The following SORCS2 variants were observed in gnomAD, a reference collection of about 807,000 sequenced individuals.
SORCS2 encodes sortilin related VPS10 domain containing receptor 2.
A neutral mutation model predicts 141.6 loss-of-function variants in SORCS2; 100 were observed. The ratio of observed to expected loss-of-function variants is 0.71; its 90% CI spans 0.60 to 0.83. The LOEUF (loss-of-function observed/expected upper bound fraction) is 0.83, where lower values mean the gene tolerates loss of function less well. Ranked by LOEUF, SORCS2 falls within the 40% of genes least tolerant of loss-of-function variation. The probability of loss-of-function intolerance (pLI) is 0.00; values close to 1 mark genes in which losing one functional copy is unlikely to be tolerated. For missense variants in SORCS2, 1,646 were observed against 1,560.2 expected (o/e 1.05, Z -0.93); for synonymous variants, 789 against 676.9 (o/e 1.17, Z -2.57).
At chr4:7,515,794 T>G (rs1253748499) in intron 2 of SORCS2, among the ~76,000 whole-genome samples, 1 of 152,248 alleles carries the variant, frequency 6.6e-6, no homozygotes, top group Non-Finnish European at 1.5e-5. Flanking sequence ...TGCAGCTCTC[T>G]GCCTAACACA....
rs935683175 is a variant in SORCS2 at position 7,374,170 on chromosome 4, T to C, written c.481-22118T>C. 1.6e-3 allele frequency among the ~76,000 whole-genome samples: 222 copies of C among 142,304 alleles called. 4 individuals carry two copies. The highest frequency in any genetic ancestry group is 5.7e-3 in the African/African-American group (212 of 37,502). The allele number at this position is 142,304 out of a possible 152,430, so 93.4% of individuals were successfully genotyped here. On this transcript the variant is annotated intron_variant, in intron 1 of 26. Coordinates refer to ENST00000507866, the MANE Select transcript of SORCS2 (RefSeq NM_020777.3). ...TTCTTTCTTTCTTTCTTTCTTTCTTTCTTTCTTTCTTTCTTTCTTTCTTTC... is the reference window on the plus strand; with the variant it reads ...TTCTTTCTTTCTTTCTTTCTTTCTTCCTTTCTTTCTTTCTTTCTTTCTTTC...
intron 20 of SORCS2, among the ~76,000 whole-genome samples, chr4:7,726,402 G>A (rs1458774883): frequency 6.6e-6 from 1 of 152,024 alleles, no homozygotes; most frequent in Non-Finnish European, 1.5e-5. Flanking sequence ...GTGAAACCCC[G>A]TCTCTACTAA....
intron 2 of SORCS2, among the ~76,000 whole-genome samples, chr4:7,412,887 C>G (rs938112672): frequency 5.9e-5 from 9 of 152,178 alleles, no homozygotes; most frequent in African/African-American, 2.2e-4. Context: ...CTGTCCCCAC[C>G]ATGGCAGGCA....
At chr4:7,658,321 GGGT>G (rs200630335) in intron 5 of SORCS2, among the ~76,000 whole-genome samples, 3,155 of 150,814 alleles carry the variant, frequency 0.021, 47 homozygotes, top group Non-Finnish European at 0.035. Context: ...GTCTGTGACT[GGGT>G]GAGTGGGTGA....
At chr4:7,226,759 C>T (rs539301419) in intron 1 of SORCS2, among the ~76,000 whole-genome samples, 35 of 152,156 alleles carry the variant, frequency 2.3e-4, no homozygotes, top group Non-Finnish European at 4.6e-4. Flanking sequence ...GCAGACCCTG[C>T]TCCGTTGGTG....
intron 1 of SORCS2, among the ~76,000 whole-genome samples, chr4:7,263,201 A>G (rs1714484256): frequency 6.6e-6 from 1 of 152,176 alleles, no homozygotes; most frequent in East Asian, 1.9e-4. Context: ...TTAAATACTC[A>G]ATAAATGACG....
rs78727057 is a variant in SORCS2 at position 7,703,095 on chromosome 4, A to G, written c.1669-185A>G. ...CCATTCAGTCATCCAGGGTGCGCTG[A>G]GTCCGCGTGGGCTGGGAAAGCTCGG... On this transcript the variant is annotated intron_variant, in intron 12 of 26. Transcript: ENST00000507866. 4.6e-5 allele frequency among the ~76,000 whole-genome samples: 7 copies of G among 152,318 alleles called. No individual in the cohort carries two copies. The East Asian group carries it at 1.4e-3, about 29-fold the overall frequency.
At chr4:7,674,551 G>A (rs1242696954) in intron 8 of SORCS2, among the ~76,000 whole-genome samples, 10 of 146,310 alleles carry the variant, frequency 6.8e-5, no homozygotes, top group Non-Finnish European at 6.0e-5. Flanking sequence ...TCCAGCCTGG[G>A]CGACAGAGCG....
intron 2 of SORCS2, among the ~76,000 whole-genome samples, chr4:7,521,260 G>A (rs1377409148): frequency 6.6e-6 from 1 of 152,100 alleles, no homozygotes; most frequent in African/African-American, 2.4e-5. Context: ...TCTGTGGGTC[G>A]TGGGTTCAGA....
intron 3 of SORCS2, among the ~76,000 whole-genome samples, chr4:7,620,075 C>T (rs897805532): frequency 2.0e-5 from 3 of 151,474 alleles, no homozygotes; most frequent in Admixed American, 6.6e-5. Flanking sequence ...CTTCTTCCTC[C>T]TCTTCCTCCT....
At chr4:7,377,548 A>C (rs1201286571) in intron 1 of SORCS2, among the ~76,000 whole-genome samples, 1 of 152,224 alleles carries the variant, frequency 6.6e-6, no homozygotes, top group Non-Finnish European at 1.5e-5. Flanking sequence ...ATTAACTTTC[A>C]ATCACTGTTA....
At chr4:7,672,099 A>C (rs1040969364) in intron 8 of SORCS2, among the ~76,000 whole-genome samples, 1 of 152,082 alleles carries the variant, frequency 6.6e-6, no homozygotes, top group African/African-American at 2.4e-5. Context: ...GCCTGCCACC[A>C]TACCCAGCTA....
intron 1 of SORCS2, among the ~76,000 whole-genome samples, chr4:7,225,724 T>G (rs116479410): frequency 3.3e-5 from 5 of 152,140 alleles, no homozygotes; most frequent in African/African-American, 1.2e-4. Context: ...CACCAGGCTG[T>G]GCAGACATCT....
At chr4:7,634,985 G>A (rs912434870) in intron 3 of SORCS2, among the ~76,000 whole-genome samples, 2 of 152,228 alleles carry the variant, frequency 1.3e-5, no homozygotes, top group Admixed American at 1.3e-4. Context: ...AAAGTCCCCA[G>A]ACTGCCCCAG....
At chr4:7,585,570 G>C (rs1716484349) in intron 3 of SORCS2, among the ~76,000 whole-genome samples, 1 of 152,162 alleles carries the variant, frequency 6.6e-6, no homozygotes. Context: ...ACCACTTCAA[G>C]GTATTGTAGA....
In SORCS2 at chr4:7,614,871, C is replaced by T. The variant is rs151034264; in HGVS notation, c.649-23457C>T. Among the ~76,000 whole-genome samples the T allele has an allele frequency of 3.9e-5, 6 of 152,026 alleles. No individual in the cohort carries two copies. In the East Asian group the frequency reaches 9.7e-4, roughly 25 times the overall value. On this transcript the variant is annotated intron_variant, in intron 3 of 26. Coordinates refer to ENST00000507866, the MANE Select transcript of SORCS2 (RefSeq NM_020777.3). ...TATCCACTGTCCATCCATCCCTCTA[C>T]TCATCCACCCATCTGCCATCCACCC... is the stretch of plus-strand genomic sequence containing the variant.
At chr4:7,486,431 A>G (rs1490665253) in intron 2 of SORCS2, among the ~76,000 whole-genome samples, 1 of 134,432 alleles carries the variant, frequency 7.4e-6, no homozygotes, top group Non-Finnish European at 1.6e-5. Context: ...GGCCCTGGAC[A>G]GGGTCACTGG....
intron 1 of SORCS2, among the ~76,000 whole-genome samples, chr4:7,226,209 C>T (rs908437130): frequency 2.0e-5 from 3 of 152,166 alleles, no homozygotes; most frequent in Admixed American, 6.5e-5. Flanking sequence ...GCATGCATTA[C>T]CTTTTCTGCT....
chr4:7,699,511 T>G (rs1228869969), intron 12 of SORCS2, among the ~76,000 whole-genome samples: 3 of 151,892 alleles, frequency 2.0e-5, no homozygotes, highest in Non-Finnish European at 2.9e-5. Flanking sequence ...GAAATTGCAC[T>G]CCAGGACTGT....
Sources: gnomAD v4.1 joint callset for allele counts (sites outside exome capture counted in the v4.1 genomes callset) on GRCh38, gnomAD v4.1.1 for gene constraint, MANE v1.5 for transcripts, NCBI Gene and HGNC (gene_info 2026-07-23, HGNC 2026-07-21) for gene names.